The following FBN1 variants were observed in gnomAD, a reference collection of about 807,000 sequenced individuals.
The protein encoded by FBN1 is fibrillin 1.
Under a neutral mutation model 365.1 loss-of-function variants are expected in FBN1, and 29 were observed. The ratio of observed to expected loss-of-function variants is 0.08; its 90% confidence interval spans 0.06 to 0.11. The LOEUF is 0.11. Among genes scored for constraint, FBN1 ranks in the 10% least tolerant of loss-of-function variants. The pLI is 1.00. For missense variants in FBN1, 2,476 were observed against 3,703.2 expected (o/e 0.67, Z 8.60); for synonymous variants, 1,210 against 1,270.5 (o/e 0.95, Z 1.01).
At chr15:48,622,913 G>T (rs1008732886) in intron 2 of FBN1, among the ~76,000 whole-genome samples, 8 of 152,028 alleles carry the variant, frequency 5.3e-5, no homozygotes, top group African/African-American at 1.9e-4. Context: ...CTCCCTTAGT[G>T]TTCCCTGATG....
chr15:48,495,735 G>A, intron 20 of FBN1, 147 bp from the exon 21 acceptor site: 1 of 965,276 alleles, frequency 1.0e-6, no homozygotes, highest in Non-Finnish European at 1.6e-6. Context: ...TAGATGGAAT[G>A]CCAAAATAAT....
At chr15:48,466,955 GAGA>G (rs1037895330) in intron 38 of FBN1, among the ~76,000 whole-genome samples, 10 of 152,050 alleles carry the variant, frequency 6.6e-5, no homozygotes, top group Non-Finnish European at 1.2e-4. Context: ...GAAGAGAAGA[GAGA>G]AGGAGGAGCC....
At chr15:48,636,851 G>A (rs1447701755) in intron 2 of FBN1, among the ~76,000 whole-genome samples, 28 of 152,226 alleles carry the variant, frequency 1.8e-4, no homozygotes, top group Admixed American at 1.8e-3. Flanking sequence ...ACAGAATCAT[G>A]AGAAAGAATA....
At chr15:48,592,258 C>T (rs2140705731) in intron 6 of FBN1, among the ~76,000 whole-genome samples, 1 of 152,224 alleles carries the variant, frequency 6.6e-6, no homozygotes. Flanking sequence ...TTCATCATCA[C>T]ACCCCACCCC....
chr15:48,609,861 G>T (rs149296418), intron 4 of FBN1, among the ~76,000 whole-genome samples: 1 of 152,204 alleles, frequency 6.6e-6, no homozygotes, highest in African/African-American at 2.4e-5. Flanking sequence ...ACACTCAAAT[G>T]TTCAGACTCT....
At chr15:48,450,028 G>T (rs1047016576) in intron 45 of FBN1, among the ~76,000 whole-genome samples, 1 of 152,194 alleles carries the variant, frequency 6.6e-6, no homozygotes, top group Non-Finnish European at 1.5e-5. Flanking sequence ...ATATCATTAT[G>T]AGGGGAAATT....
intron 25 of FBN1, 72 bp from the exon 26 acceptor site, chr15:48,488,565 T>G: frequency 6.4e-7 from 1 of 1,555,100 alleles, no homozygotes; most frequent in South Asian, 1.1e-5. Context: ...ATGCCCACCA[T>G]TTTAAATCAT....
At chr15:48,469,393 T>A (rs2043352762) in intron 36 of FBN1, among the ~76,000 whole-genome samples, 1 of 152,048 alleles carries the variant, frequency 6.6e-6, no homozygotes, top group Non-Finnish European at 1.5e-5. Context: ...GCAAGGAGTG[T>A]CTCTCCCATC....
At chr15:48,462,473 T>C (rs894962390) in intron 42 of FBN1, among the ~76,000 whole-genome samples, 8 of 152,228 alleles carry the variant, frequency 5.3e-5, no homozygotes, top group Non-Finnish European at 1.2e-4. Flanking sequence ...GTTTTCTTTA[T>C]GCTCATTGAG....
At chr15:48,495,678 T>C in intron 20 of FBN1, 90 bp from the exon 21 acceptor site, 1 of 1,509,848 alleles carries the variant, frequency 6.6e-7, no homozygotes, top group East Asian at 2.3e-5. Context: ...CTACTACATA[T>C]CCTTAATCCC....
At chr15:48,508,873 A>G (rs1478286670) in intron 14 of FBN1, among the ~76,000 whole-genome samples, 169 bp from the exon 15 acceptor site, 1 of 152,250 alleles carries the variant, frequency 6.6e-6, no homozygotes, top group Admixed American at 6.5e-5. Flanking sequence ...AAGATGGGAC[A>G]TATGAAATAC....
chr15:48,534,668 A>G (rs1054300321), intron 7 of FBN1, among the ~76,000 whole-genome samples: 8 of 152,234 alleles, frequency 5.3e-5, no homozygotes, highest in Admixed American at 5.2e-4. Flanking sequence ...ATTTAGTTAA[A>G]ACGGAATTTA....
Position 48,425,577 on chromosome 15 carries a change from A to T in FBN1, c.7331-86T>A, listed in dbSNP as rs957433069. On this transcript the variant is annotated intron_variant, in intron 59 of 65. Coordinates refer to ENST00000316623, the MANE Select transcript of FBN1 (RefSeq NM_000138.5). Reference sequence around the variant, plus strand: ...TCCACAGGGTCTAACGAAGAATTTTAGTTTCGGGGAAAGAAAAAGGAAACT... The same window carrying T: ...TCCACAGGGTCTAACGAAGAATTTTTGTTTCGGGGAAAGAAAAAGGAAACT... 11 of 1,589,016 alleles carry T rather than the reference A, an allele frequency of 6.9e-6. No homozygotes were observed. In the African/African-American group the frequency reaches 1.3e-4, roughly 19 times the overall value.
intron 8 of FBN1, among the ~76,000 whole-genome samples, chr15:48,530,128 C>G (rs1222910361): frequency 1.5e-5 from 2 of 131,912 alleles, no homozygotes; most frequent in African/African-American, 5.3e-5. Context: ...CTGCATCCGC[C>G]GCATCACAAC....
At chr15:48,515,268 T>G in intron 12 of FBN1, 119 bp downstream of exon 12, 1 of 1,065,608 alleles carries the variant, frequency 9.4e-7, no homozygotes, top group East Asian at 2.5e-5. Context: ...AATTTAAATT[T>G]GTATTGTATT....
In FBN1 at chr15:48,432,851, A is replaced by G. The variant is rs757936105; in HGVS notation, c.6739+15T>C. ...AAGCTTCCTGGCTTAGATGACCTTG[A>G]ACACGATGACTCACCTTTGCACATC... On this transcript the variant is annotated intron_variant, in intron 55 of 65. Transcript: ENST00000316623. The G allele has an allele frequency of 1.9e-5, 31 of 1,613,296 alleles. No homozygotes were observed. The highest frequency in any genetic ancestry group is 2.5e-5 in the Non-Finnish European group (30 of 1,179,498).
chr15:48,495,074 G>A, intron 22 of FBN1, 49 bp downstream of exon 22: 2 of 1,611,582 alleles, frequency 1.2e-6, no homozygotes, highest in Non-Finnish European at 1.7e-6. Flanking sequence ...CCCTTTTTAT[G>A]CAAAGACCAT....
At position 48,492,492 on chromosome 15, in the gene FBN1, C is replaced by A. The variant is rs774516394; in HGVS notation, c.2823G>T (p.Met941Ile). 5 of 1,613,676 alleles carry A rather than the reference C, an allele frequency of 3.1e-6. No individual in the cohort carries two copies. The South Asian group carries it at 5.5e-5, about 18-fold the overall frequency. Residue 941 changes from methionine (M) to isoleucine (I), a missense_variant, in exon 24 of 66, where the codon ATG becomes ATT. Physicochemically the swap from Met to Ile is conservative, Grantham distance 10 (BLOSUM62 1). Around this residue, in one of 5 missense-constraint regions of FBN1, gnomAD observed 1,780 missense variants for 2,840.8 expected, o/e 0.63. Transcript: ENST00000316623. ...AGATCCTTCCTGTGGCATCCAAAGT[C>A]ATTCCACTGGGACACTGACACTTGA... ...GSFKCQCPSG[M>I]TLDATGRICL...
intron 6 of FBN1, 26 bp from the exon 7 acceptor site, chr15:48,537,834 T>C: frequency 6.2e-7 from 1 of 1,611,640 alleles, no homozygotes; most frequent in Non-Finnish European, 8.5e-7. Context: ...AAAAATCTGA[T>C]GAAAATCCAG....
Sources: allele counts gnomAD v4.1 joint callset (sites outside exome capture counted in the v4.1 genomes callset), GRCh38; gene constraint gnomAD v4.1.1; regional missense constraint gnomAD v4.1.1; transcripts MANE v1.5; gene names NCBI Gene and HGNC (gene_info 2026-07-23, HGNC 2026-07-21).